The following C8orf58 variants were observed in gnomAD, a reference collection of about 807,000 sequenced individuals.
C8orf58 encodes uncharacterized protein C8orf58.
C8orf58 carries 31 observed loss-of-function variants against 36.8 expected under a neutral mutation model. That is an observed-to-expected ratio of 0.84 (90% CI 0.63 to 1.14). The LOEUF is 1.14. C8orf58 is among the 50% of genes most tolerant of loss of function. The pLI is 0.00. For missense variants in C8orf58, 538 were observed against 480.8 expected, an observed-to-expected ratio of 1.12 and a Z score of -1.11; for synonymous variants, 230 against 200.2, an observed-to-expected ratio of 1.15 and a Z score of -1.26.
At position 22,602,874 on chromosome 8, in the gene C8orf58, C is replaced by T. The variant is rs1244948780; in HGVS notation, c.986+231C>T. On this transcript the variant is annotated intron_variant, in intron 6 of 6. Transcript: ENST00000289989. ...CCAAAGCCGCACGGTGAGTCAGTGA[C>T]AGCTAGGACCAGAATGTGGGAAATC... The T allele has an allele frequency of 6.9e-6, 4 of 580,260 alleles. No homozygotes were observed. The East Asian group carries it at 8.5e-5, about 12-fold the overall frequency. 35.9% of individuals were successfully genotyped at this position (580,260 alleles called of 1,614,324 possible). A position where few individuals can be genotyped will look rare whatever the true frequency, so the allele number is the denominator to read the frequency against.
chr8:22,599,767 C>T lies in C8orf58; in HGVS notation c.40+7C>T. ...TTCGCCGTGGACGGCCGGGGTGAGT[C>T]ACCCACCCCCAGGCTGGCCGGGCTC... On this transcript the variant is annotated splice_region_variant and intron_variant, in intron 1 of 6. Transcript: ENST00000289989. 1 of 1,213,052 alleles carries T rather than the reference C, an allele frequency of 8.2e-7. No individual in the cohort carries two copies. Among genetic ancestry groups the T allele is most frequent in the Non-Finnish European group, 1.0e-6 (1 of 974,008 alleles). 75.1% of individuals were successfully genotyped at this position (1,213,052 alleles called of 1,614,324 possible).
Position 22,601,321 on chromosome 8 carries a change from A to G in C8orf58, c.480A>G (p.Ala160=). 1 of 1,597,972 alleles carries G rather than the reference A, an allele frequency of 6.3e-7. No homozygotes were observed. The highest frequency in any genetic ancestry group is 1.1e-5 in the South Asian group (1 of 90,320). ...CAGGGCAACAGGAGTCCATGGAGGC[A>G]GACACAGACCTAGAGGCAGGCCTGG... ...LGAGQQESME[A]DTDLEAGLEE... is the part of the protein sequence containing the mutation. Residue 160 remains alanine, a synonymous_variant, in exon 2 of 7, where the codon GCA becomes GCG. Coordinates refer to ENST00000289989, the MANE Select transcript of C8orf58 (RefSeq NM_001013842.3).
At chr8:22,602,353 TGG>T (rs748635566) in intron 5 of C8orf58, 41 bp downstream of exon 5, 8 of 154,720 alleles carry the variant, frequency 5.2e-5, no homozygotes, top group Non-Finnish European at 1.0e-4. Context: ...TGGGCTGGGG[TGG>T]GGGGAGGGGA....
rs749215293 is a variant in C8orf58 at position 22,600,950 on chromosome 8, C to G, written c.109C>G (p.Pro37Ala). The G allele has an allele frequency of 1.2e-6, 2 of 1,612,482 alleles. No homozygotes were observed. Among genetic ancestry groups the G allele is most frequent in the African/African-American group, 1.3e-5 (1 of 75,042 alleles). The change falls in exon 2 of 7, where the codon CCC (proline) becomes GCC (alanine). Residue 37 changes from proline (P) to alanine (A), a missense_variant. Pro to Ala is a conservative substitution (Grantham distance 27, BLOSUM62 -1). Coordinates refer to ENST00000289989, the MANE Select transcript of C8orf58 (RefSeq NM_001013842.3). ...PGVTSTYRRIPDAAHGCSSWE... is the reference protein window; with the variant it reads ...PGVTSTYRRIADAAHGCSSWE... ...AGTCACCAGCACCTACAGACGGATC[C>G]CCGACGCTGCCCACGGGTGCTCATC... is the stretch of plus-strand genomic sequence containing the variant.
chr8:22,601,587 G>A lies in C8orf58; in HGVS notation c.517-125G>A, dbSNP rs544690019. 1.9e-4 allele frequency: 237 copies of A among 1,231,438 alleles called. No homozygotes were observed. The African/African-American group carries it at 3.2e-3, about 17-fold the overall frequency. 76.3% of individuals were successfully genotyped at this position (1,231,438 alleles called of 1,614,324 possible). On this transcript the variant is annotated intron_variant, in intron 2 of 6. Coordinates refer to ENST00000289989, the MANE Select transcript of C8orf58 (RefSeq NM_001013842.3). The stretch of plus-strand genomic sequence containing the variant: ...TGCCCCGCTGGGCAGTGGGGAAGCC[G>A]GCTGCGTGTGTTCCTCCTCGGGGCC...
In C8orf58 at chr8:22,602,094, G is replaced by A. The variant is rs756058209; in HGVS notation, c.766+14G>A. ...CAGAGCACACAGGTGAGGGGCCATC[G>A]TGTCTCCCTTTGTCCTGCCTGCCTG... On this transcript the variant is annotated intron_variant, in intron 4 of 6. Coordinates refer to ENST00000289989, the MANE Select transcript of C8orf58 (RefSeq NM_001013842.3). 1.2e-5 allele frequency: 18 copies of A among 1,557,790 alleles called. No individual in the cohort carries two copies. Among genetic ancestry groups the A allele is most frequent in the Non-Finnish European group, 1.5e-5 (17 of 1,149,914 alleles).
chr8:22,600,872 C>T lies in C8orf58; in HGVS notation c.41-10C>T, dbSNP rs578114033. 9 of 1,590,278 alleles carry T rather than the reference C, an allele frequency of 5.7e-6. No homozygotes were observed. The highest frequency in any genetic ancestry group is 4.0e-5 in the African/African-American group (3 of 74,820). On this transcript the variant is annotated splice_polypyrimidine_tract_variant and intron_variant, in intron 1 of 6. Coordinates refer to ENST00000289989, the MANE Select transcript of C8orf58 (RefSeq NM_001013842.3). ...TGGCCTGCCCAGCCTGACGCTGACT[C>T]TCCATGCAGATGGGGCTGGCGAGGG...
rs1467334350 is a variant in C8orf58 at position 22,601,206 on chromosome 8, G to GCCGGCTCCCAACAGCTCCCA, written c.368_387dup (p.Ser130GlyfsTer42). The GCCGGCTCCCAACAGCTCCCA allele has an allele frequency of 1.2e-6, 2 of 1,608,768 alleles. No individual in the cohort carries two copies. Among genetic ancestry groups the GCCGGCTCCCAACAGCTCCCA allele is most frequent in the African/African-American group, 1.3e-5 (1 of 74,852 alleles). On this transcript the variant is annotated frameshift_variant, in exon 2 of 7. Transcript: ENST00000289989. LOFTEE classifies it high-confidence loss of function. ...CTGGGGGAGGTGTTGGAGCGGTCCC[G>GCCGGCTCCCAACAGCTCCCA]CCGGCTCCCAACAGCTCCCACCAGC... is the stretch of plus-strand genomic sequence containing the variant.
In C8orf58 at chr8:22,601,206, G is replaced by T. The variant is rs769696478; in HGVS notation, c.365G>T (p.Arg122Leu). 2.5e-6 allele frequency: 4 copies of T among 1,608,768 alleles called. No homozygotes were observed. Among genetic ancestry groups the T allele is most frequent in the Non-Finnish European group, 3.4e-6 (4 of 1,178,416 alleles). ...CTGGGGGAGGTGTTGGAGCGGTCCC[G>T]CCGGCTCCCAACAGCTCCCACCAGC... ...QKLGEVLERSRRLPTAPTSLS... is the reference protein window; with the variant it reads ...QKLGEVLERSLRLPTAPTSLS... Residue 122 changes from arginine to leucine, a missense_variant, in exon 2 of 7, where the codon CGC becomes CTC. Transcript: ENST00000289989.
Position 22,602,815 on chromosome 8 carries a change from A to T in C8orf58, c.986+172A>T, listed in dbSNP as rs112106049. ...ACACCCCATTTACAGATAAGGAGGC[A>T]GGGTTCTGGGTGGGGTTGGGGGTAG... On this transcript the variant is annotated intron_variant, in intron 6 of 6. Coordinates refer to ENST00000289989, the MANE Select transcript of C8orf58 (RefSeq NM_001013842.3). The T allele has an allele frequency of 8.3e-3, 4,906 of 591,106 alleles. 145 individuals carry two copies. The highest frequency in any genetic ancestry group is 0.068 in the East Asian group (2,423 of 35,632). 36.6% of individuals were successfully genotyped at this position (591,106 alleles called of 1,614,324 possible).
chr8:22,599,812 T>A, intron 1 of C8orf58, 52 bp downstream of exon 1: 1 of 888,168 alleles, frequency 1.1e-6, no homozygotes, highest in Non-Finnish European at 1.5e-6. Flanking sequence ...CCGGAGCCGC[T>A]TCCCGCCCCC....
rs1187768925 is a variant in C8orf58, at chr8:22,603,684, C to G, written c.*378C>G. On this transcript the variant is annotated 3_prime_UTR_variant, in exon 7 of 7. Transcript: ENST00000289989. ...TATCTCTGTGTGACTGTCAGTGTTGCAAGCTGGCTGGATCCAACCATCTCT... is the reference window on the plus strand; with the variant it reads ...TATCTCTGTGTGACTGTCAGTGTTGGAAGCTGGCTGGATCCAACCATCTCT... 2.9e-6 allele frequency: 1 copy of G among 342,568 alleles called. No homozygotes were observed. The highest frequency in any genetic ancestry group is 5.7e-6 in the Non-Finnish European group (1 of 174,796). The allele number at this position is 342,568 out of a possible 1,614,324, so 21.2% of individuals were successfully genotyped here. A position where few individuals can be genotyped will look rare whatever the true frequency, so the allele number is the denominator to read the frequency against.
At position 22,601,319 on chromosome 8, in the gene C8orf58, G is replaced by T. The variant is rs1800850874; in HGVS notation, c.478G>T (p.Ala160Ser). 2 of 1,598,566 alleles carry T rather than the reference G, an allele frequency of 1.3e-6. No individual in the cohort carries two copies. Among genetic ancestry groups the T allele is most frequent in the East Asian group, 4.5e-5 (2 of 44,374 alleles). Residue 160 changes from alanine to serine, a missense_variant, in exon 2 of 7, where the codon GCA becomes TCA. Transcript: ENST00000289989. ...AGCAGGGCAACAGGAGTCCATGGAG[G>T]CAGACACAGACCTAGAGGCAGGCCT... The part of the protein sequence containing the change: ...LGAGQQESME[A>S]DTDLEAGLEE...
chr8:22,601,806 G>A lies in C8orf58; in HGVS notation c.611G>A (p.Arg204Lys), dbSNP rs1192729744. 2.5e-6 allele frequency: 4 copies of A among 1,612,298 alleles called. No homozygotes were observed. The South Asian group carries it at 3.3e-5, about 13-fold the overall frequency. ...HLCLVLEQMA[R>K]LQQLYLQLRI... ...TGCCTGGTGCTGGAGCAGATGGCAA[G>A]GCTCCAGCAGCTCTACCTGCAGCTG... Residue 204 changes from arginine (R) to lysine (K), a missense_variant, in exon 3 of 7, where the codon AGG (arginine) becomes AAG (lysine). By Grantham distance (26) the Arg-to-Lys change is conservative. Transcript: ENST00000289989.
Position 22,603,459 on chromosome 8 carries a change from A to G in C8orf58, c.*153A>G. On this transcript the variant is annotated 3_prime_UTR_variant, in exon 7 of 7. Transcript: ENST00000289989. Reference sequence around the variant, plus strand: ...GTCGAGGGCTGAATCTTTCTCCTCTAAGCAGTCTGGTCAGGAACCTTGGTT... The same window carrying G: ...GTCGAGGGCTGAATCTTTCTCCTCTGAGCAGTCTGGTCAGGAACCTTGGTT... 1.4e-6 allele frequency: 1 copy of G among 698,470 alleles called. No homozygotes were observed. The highest frequency in any genetic ancestry group is 2.7e-5 in the East Asian group (1 of 36,744). 43.3% of individuals were successfully genotyped at this position (698,470 alleles called of 1,614,324 possible). A position where few individuals can be genotyped will look rare whatever the true frequency, so the allele number is the denominator to read the frequency against.
At chr8:22,603,120 A>T (rs937377397) in intron 6 of C8orf58, 75 bp from the exon 7 acceptor site, 15 of 1,136,044 alleles carry the variant, frequency 1.3e-5, no homozygotes, top group Non-Finnish European at 2.0e-5. Context: ...CAGATAAACC[A>T]CGTTCTCTCA....
chr8:22,601,987 G>A lies in C8orf58; in HGVS notation c.673G>A (p.Glu225Lys). The change falls in exon 4 of 7, where the codon GAG becomes AAG. Residue 225 changes from glutamate to lysine, a missense_variant. Physicochemically the swap from Glu to Lys is moderately conservative, Grantham distance 56 (BLOSUM62 1). Coordinates refer to ENST00000289989, the MANE Select transcript of C8orf58 (RefSeq NM_001013842.3). ...QRPPGDPGEE[E>K]STRAPLPSPL... ...CTGTGCATAGGATCCCGGCGAGGAG[G>A]AGTCGACCCGAGCCCCTTTACCGTC... 5 of 1,555,562 alleles carry A rather than the reference G, an allele frequency of 3.2e-6. No individual in the cohort carries two copies. Among genetic ancestry groups the A allele is most frequent in the Non-Finnish European group, 3.5e-6 (4 of 1,147,198 alleles).
chr8:22,601,178 A>C lies in C8orf58; in HGVS notation c.337A>C (p.Lys113Gln). ...AQVGRLLASQ[K>Q]LGEVLERSRR... ...GGTAGGCCGACTCCTGGCCAGCCAGAAGCTGGGGGAGGTGTTGGAGCGGTC... is the reference window on the plus strand; with the variant it reads ...GGTAGGCCGACTCCTGGCCAGCCAGCAGCTGGGGGAGGTGTTGGAGCGGTC... The change falls in exon 2 of 7, where the codon AAG (lysine) becomes CAG (glutamine). Residue 113 changes from lysine (K) to glutamine (Q), a missense_variant. By Grantham distance (53) the Lys-to-Gln change is moderately conservative (BLOSUM62 1). Coordinates refer to ENST00000289989, the MANE Select transcript of C8orf58 (RefSeq NM_001013842.3). 6.2e-7 allele frequency: 1 copy of C among 1,609,904 alleles called. No individual in the cohort carries two copies. The highest frequency in any genetic ancestry group is 1.1e-5 in the South Asian group (1 of 90,878).
chr8:22,599,691 ATT>A lies in C8orf58; in HGVS notation c.-29_-28del, dbSNP rs1800793876. On this transcript the variant is annotated 5_prime_UTR_variant, in exon 1 of 7. Coordinates refer to ENST00000289989, the MANE Select transcript of C8orf58 (RefSeq NM_001013842.3). ...CGGGCCGGGATCCTCGGGCGGCTGC[ATT>A]GGCCGGGGCCGGGGCCGGGAGCGGG... 3.0e-5 allele frequency: 36 copies of A among 1,190,798 alleles called. No individual in the cohort carries two copies. In the South Asian group the frequency reaches 3.8e-4, roughly 13 times the overall value. The allele number at this position is 1,190,798 out of a possible 1,614,324, so 73.8% of individuals were successfully genotyped here.
Sources: gnomAD v4.1 joint callset for allele counts on GRCh38, gnomAD v4.1.1 for gene constraint, MANE v1.5 for transcripts, NCBI Gene and HGNC (gene_info 2026-07-23, HGNC 2026-07-21) for gene names.